The following DPY19L2 variants were observed in gnomAD, a reference collection of about 807,000 sequenced individuals.
The protein encoded by DPY19L2 is probable C-mannosyltransferase DPY19L2.
In DPY19L2, 34 loss-of-function variants were observed where a neutral mutation model predicts 97.9. The ratio of observed to expected loss-of-function variants is 0.35; its 90% confidence interval spans 0.26 to 0.46. The LOEUF (loss-of-function observed/expected upper bound fraction) is 0.46, where lower values mean the gene tolerates loss of function less well. Among genes scored for constraint, DPY19L2 ranks in the 20% least tolerant of loss-of-function variants. DPY19L2 has a pLI of 1.00. For missense variants in DPY19L2, 623 were observed against 911.4 expected, an observed-to-expected ratio of 0.68 and a Z score of 4.07; for synonymous variants, 230 against 307.9, an observed-to-expected ratio of 0.75 and a Z score of 2.65.
At position 63,649,759 on chromosome 12, in the gene DPY19L2, C is replaced by T. The variant is rs149652425; in HGVS notation, c.589-2394G>A. Among the ~76,000 whole-genome samples the T allele has an allele frequency of 5.0e-3, 759 of 152,224 alleles. 8 individuals are homozygous for T. The highest frequency in any genetic ancestry group is 7.3e-3 in the Non-Finnish European group (497 of 68,024). ...AATTCTACCAGACATAAAAGGAGAG[C>T]GGATACCAATCATACTGAAACTATT... On this transcript the variant is annotated intron_variant, in intron 4 of 21. Transcript: ENST00000324472.
chr12:63,611,811 G>T (rs923085684), intron 11 of DPY19L2, among the ~76,000 whole-genome samples: 2 of 152,048 alleles, frequency 1.3e-5, no homozygotes, highest in African/African-American at 4.8e-5. Flanking sequence ...TGCATGTAGT[G>T]AGAGTCCCTA....
At chr12:63,653,557 A>G (rs1894562880) in intron 4 of DPY19L2, among the ~76,000 whole-genome samples, 1 of 152,128 alleles carries the variant, frequency 6.6e-6, no homozygotes, top group Admixed American at 6.5e-5. Flanking sequence ...CAAAATAAAT[A>G]AATACATACA....
intron 6 of DPY19L2, among the ~76,000 whole-genome samples, chr12:63,643,590 T>C (rs1892995937): frequency 6.6e-6 from 1 of 152,180 alleles, no homozygotes; most frequent in African/African-American, 2.4e-5. Flanking sequence ...GGATGTTGTT[T>C]ATTGTATCAT....
chr12:63,630,777 C>T (rs970370073), intron 6 of DPY19L2, among the ~76,000 whole-genome samples: 2 of 152,106 alleles, frequency 1.3e-5, no homozygotes, highest in African/African-American at 2.4e-5. Context: ...CTTCTCAGCA[C>T]CACACCGCAC....
At chr12:63,665,484 A>AG (rs1379813672) in intron 2 of DPY19L2, among the ~76,000 whole-genome samples, 1 of 152,084 alleles carries the variant, frequency 6.6e-6, no homozygotes, top group Non-Finnish European at 1.5e-5. Context: ...AAAAAAAAAA[A>AG]AAAGTTATTT....
intron 3 of DPY19L2, among the ~76,000 whole-genome samples, chr12:63,662,925 T>C (rs1351704961): frequency 6.6e-6 from 1 of 152,054 alleles, no homozygotes; most frequent in Non-Finnish European, 1.5e-5. Flanking sequence ...CTGGGTGTGA[T>C]TAGTGTTTAG....
intron 20 of DPY19L2, among the ~76,000 whole-genome samples, chr12:63,569,631 C>T (rs1878428918): frequency 6.6e-6 from 1 of 152,114 alleles, no homozygotes; most frequent in Non-Finnish European, 1.5e-5. Flanking sequence ...TTAGGATATA[C>T]AATTTTCTTC....
chr12:63,564,498 G>A (rs1036370444), intron 21 of DPY19L2, among the ~76,000 whole-genome samples: 2 of 152,028 alleles, frequency 1.3e-5, no homozygotes, highest in African/African-American at 4.8e-5. Flanking sequence ...TGGATTATCT[G>A]GAAGTGTATT....
intron 6 of DPY19L2, among the ~76,000 whole-genome samples, chr12:63,632,925 T>C (rs1049260114): frequency 1.4e-4 from 21 of 152,224 alleles, no homozygotes; most frequent in African/African-American, 4.8e-4. Context: ...TCTACAACCA[T>C]CTGATCTTTG....
At position 63,560,329 on chromosome 12, in the gene DPY19L2, C is replaced by T. The variant is rs914002073; in HGVS notation, c.*183G>A. 2.1e-4 allele frequency: 129 copies of T among 618,318 alleles called. No individual in the cohort carries two copies. Among genetic ancestry groups the T allele is most frequent in the Non-Finnish European group, 3.0e-4 (115 of 388,420 alleles). The allele number at this position is 618,318 out of a possible 1,614,324, so 38.3% of individuals were successfully genotyped here. A position where few individuals can be genotyped will look rare whatever the true frequency, so the allele number is the denominator to read the frequency against. Reference sequence around the variant, plus strand: ...AACTTATATGACAAGCTTAATAAGGCTGACATTCAATGAACAGAAAAGTAA... The same window carrying T: ...AACTTATATGACAAGCTTAATAAGGTTGACATTCAATGAACAGAAAAGTAA... On this transcript the variant is annotated 3_prime_UTR_variant, in exon 22 of 22. Transcript: ENST00000324472.
intron 21 of DPY19L2, among the ~76,000 whole-genome samples, chr12:63,561,070 G>C (rs1469371444): frequency 6.6e-6 from 1 of 152,054 alleles, no homozygotes; most frequent in Non-Finnish European, 1.5e-5. Context: ...AGCGTAAACT[G>C]CCTTGGATTA....
chr12:63,622,429 C>A (rs56040292), intron 8 of DPY19L2, among the ~76,000 whole-genome samples: 1 of 152,054 alleles, frequency 6.6e-6, no homozygotes, highest in African/African-American at 2.4e-5. Context: ...CAAATTCAAC[C>A]GCAGAATATA....
intron 4 of DPY19L2, among the ~76,000 whole-genome samples, chr12:63,656,237 T>G (rs547170790): frequency 3.3e-5 from 5 of 152,196 alleles, no homozygotes; most frequent in Non-Finnish European, 7.3e-5. Context: ...GTGTTTATAC[T>G]TGGGAATCTG....
At chr12:63,652,710 G>A (rs61936158) in intron 4 of DPY19L2, among the ~76,000 whole-genome samples, 17,077 of 152,028 alleles carry the variant, frequency 0.11, 1,071 homozygotes, top group East Asian at 0.28. Context: ...ACTTATAAGC[G>A]AAGCTAAACA....
At chr12:63,564,838 T>C (rs1168820069) in intron 21 of DPY19L2, among the ~76,000 whole-genome samples, 1 of 136,948 alleles carries the variant, frequency 7.3e-6, no homozygotes, top group Non-Finnish European at 1.5e-5. Flanking sequence ...AATTTCTAAC[T>C]ATACTGTAGA....
intron 6 of DPY19L2, among the ~76,000 whole-genome samples, chr12:63,643,780 A>C (rs916433013): frequency 6.6e-6 from 1 of 152,170 alleles, no homozygotes; most frequent in Non-Finnish European, 1.5e-5. Context: ...GGGGCAGCTA[A>C]GTCTGTCCTT....
intron 16 of DPY19L2, among the ~76,000 whole-genome samples, chr12:63,591,748 C>A (rs1329617565): frequency 6.6e-6 from 1 of 151,226 alleles, no homozygotes; most frequent in Non-Finnish European, 1.5e-5. Context: ...AAAAGAAAAG[C>A]CTGACCAACA....
At position 63,648,053 on chromosome 12, in the gene DPY19L2, C is replaced by G. The variant is rs138267102; in HGVS notation, c.589-688G>C. 1.8e-3 allele frequency among the ~76,000 whole-genome samples: 276 copies of G among 152,194 alleles called. 1 individual carries two copies. The highest frequency in any genetic ancestry group is 6.3e-3 in the African/African-American group (263 of 41,532). On this transcript the variant is annotated intron_variant, in intron 4 of 21. Transcript: ENST00000324472. ...GGTGATTAGACCATGAAGACTCCCC[C>G]CTCATGAGTGAGATTAAAGCTATCT... is the stretch of plus-strand genomic sequence containing the variant.
chr12:63,667,909 A>G, intron 1 of DPY19L2, 148 bp downstream of exon 1: 1 of 917,018 alleles, frequency 1.1e-6, no homozygotes, highest in Non-Finnish European at 1.6e-6. Context: ...TTCAATGACA[A>G]GATCTTTGGC....
Sources: allele counts gnomAD v4.1 joint callset (sites outside exome capture counted in the v4.1 genomes callset), GRCh38; gene constraint gnomAD v4.1.1; transcripts MANE v1.5; gene names NCBI Gene and HGNC (gene_info 2026-07-23, HGNC 2026-07-21).